Variants in OLFM1 observed in about 807,000 individuals in gnomAD.
OLFM1 encodes the protein noelin.
In OLFM1, 9 loss-of-function variants were observed where a neutral mutation model predicts 49.7. That is an observed-to-expected ratio of 0.18 (90% CI 0.11 to 0.32). The LOEUF (loss-of-function observed/expected upper bound fraction) is 0.32, where lower values mean the gene tolerates loss of function less well. OLFM1 is among the 10% of genes least tolerant of loss of function. The pLI is 1.00. For synonymous variants in OLFM1, 240 were observed against 271.8 expected (o/e 0.88, Z 1.15); for missense variants, 369 against 661.8 (o/e 0.56, Z 4.85).
Position 135,110,970 on chromosome 9 carries a change from TG to T in OLFM1, c.783+4118del, listed in dbSNP as rs2119135788. On this transcript the variant is annotated intron_variant, in intron 5 of 5. Coordinates refer to ENST00000371793, the MANE Select transcript of OLFM1 (RefSeq NM_001282611.2). ...TCCCGGGGGCTGCATCAGAGGCATT[TG>T]GGACGGCAGTGCCAGATCTGTGCCC... Among the ~76,000 whole-genome samples the T allele has an allele frequency of 1.3e-5, 2 of 152,336 alleles. 1 individual carries two copies. The highest frequency in any genetic ancestry group is 4.1e-4 in the South Asian group (2 of 4,828).
chr9:135,111,116 G>A (rs539460162), intron 5 of OLFM1, among the ~76,000 whole-genome samples: 1 of 152,312 alleles, frequency 6.6e-6, no homozygotes, highest in South Asian at 2.1e-4. Flanking sequence ...GCTGAAATGC[G>A]GTGCAGAGGT....
chr9:135,100,884 T>C (rs1323644096), intron 4 of OLFM1, among the ~76,000 whole-genome samples: 1 of 151,960 alleles, frequency 6.6e-6, no homozygotes. Context: ...TGATGACAGC[T>C]GACTGATAAC....
chr9:135,118,666 C>A (rs1435387281), intron 5 of OLFM1, among the ~76,000 whole-genome samples: 4 of 149,126 alleles, frequency 2.7e-5, no homozygotes, highest in Non-Finnish European at 5.9e-5. Context: ...CTTTGGAGTA[C>A]TCACTGGCTC....
chr9:135,110,418 T>C (rs1440962940), intron 5 of OLFM1, among the ~76,000 whole-genome samples: 1 of 152,144 alleles, frequency 6.6e-6, no homozygotes, highest in Non-Finnish European at 1.5e-5. Context: ...GAAGGGGTGA[T>C]ATAATTAGGA....
intron 1 of OLFM1, among the ~76,000 whole-genome samples, chr9:135,079,926 G>A (rs1462125695): frequency 3.9e-5 from 6 of 152,040 alleles, no homozygotes; most frequent in Admixed American, 6.6e-5. Flanking sequence ...GCTGGGTCTC[G>A]GAGTTGGGCC....
In OLFM1 at chr9:135,088,245, C is replaced by A; in HGVS notation, c.150+106C>A. 1.8e-6 allele frequency: 2 copies of A among 1,091,618 alleles called. No homozygotes were observed. Among genetic ancestry groups the A allele is most frequent in the South Asian group, 4.6e-5 (1 of 21,910 alleles). The allele number at this position is 1,091,618 out of a possible 1,614,324, so 67.6% of individuals were successfully genotyped here. ...GGCGGGCGCCGCGCGGGACCCGAGT[C>A]GCCCAGGGAGGCGGCGGGGAGCAGG... On this transcript the variant is annotated intron_variant, in intron 1 of 5. Transcript: ENST00000371793. The surrounding 1 kb of genome is among the most constrained non-coding windows in gnomAD (Gnocchi z 4.8).
intron 2 of OLFM1, among the ~76,000 whole-genome samples, chr9:135,091,571 A>ATAGT (rs1830691127): frequency 5.4e-5 from 8 of 148,894 alleles, no homozygotes; most frequent in Admixed American, 2.0e-4. Context: ...TCACACACAC[A>ATAGT]CACAGTCACA....
At chr9:135,077,582 G>T (rs1830483965) in intron 1 of OLFM1, among the ~76,000 whole-genome samples, 1 of 152,186 alleles carries the variant, frequency 6.6e-6, no homozygotes, top group South Asian at 2.1e-4. Context: ...GGCCCAGCCA[G>T]CCACCTTCAG....
rs1809396703 is a variant in OLFM1, at chr9:135,098,563, A to G, written c.676+58A>G. ...CACTGCCCACCTCCGGCACACGCAC[A>G]GGCTTAGGGAGTGGTGCTGAAGTGG... is the stretch of plus-strand genomic sequence containing the variant. On this transcript the variant is annotated intron_variant, in intron 4 of 5. Transcript: ENST00000371793. This position sits in a 1 kb window ranked among gnomAD's most constrained non-coding sequence, Gnocchi z 5.6. 6.8e-7 allele frequency: 1 copy of G among 1,477,714 alleles called. No individual in the cohort carries two copies. Among genetic ancestry groups the G allele is most frequent in the Non-Finnish European group, 9.4e-7 (1 of 1,061,444 alleles). 91.5% of individuals were successfully genotyped at this position (1,477,714 alleles called of 1,614,324 possible). A position where few individuals can be genotyped will look rare whatever the true frequency, so the allele number is the denominator to read the frequency against.
chr9:135,086,851 C>T, upstream of OLFM1: 1 of 389,294 alleles, frequency 2.6e-6, no homozygotes, highest in Non-Finnish European at 5.1e-6. Flanking sequence ...CCCCAACCCA[C>T]ACCCCTCCAC....
chr9:135,116,508 C>T (rs558311893), intron 5 of OLFM1, among the ~76,000 whole-genome samples: 13 of 152,114 alleles, frequency 8.5e-5, no homozygotes, highest in Non-Finnish European at 1.5e-4. Context: ...GGCTCTGGAC[C>T]CAGGGTACAG....
chr9:135,110,083 C>G (rs1831001520), intron 5 of OLFM1, among the ~76,000 whole-genome samples: 1 of 152,228 alleles, frequency 6.6e-6, no homozygotes, highest in Non-Finnish European at 1.5e-5. Context: ...GGCCCCACAG[C>G]CCCTCCTTTC....
chr9:135,109,815 A>T (rs1016291757), intron 5 of OLFM1, among the ~76,000 whole-genome samples: 1 of 152,142 alleles, frequency 6.6e-6, no homozygotes, highest in African/African-American at 2.4e-5. Flanking sequence ...GAGAGGTTCA[A>T]TGGGGCTGCC....
rs984872449 is a variant in OLFM1 at position 135,097,449 on chromosome 9, G to T, written c.457-837G>T. 2.0e-5 allele frequency among the ~76,000 whole-genome samples: 3 copies of T among 152,324 alleles called. No homozygotes were observed. In the South Asian group the frequency reaches 6.2e-4, roughly 32 times the overall value. On this transcript the variant is annotated intron_variant, in intron 3 of 5. Coordinates refer to ENST00000371793, the MANE Select transcript of OLFM1 (RefSeq NM_001282611.2). ...TGCGGCCAGCAGACTCCTCTAACGA[G>T]GGGGGTGTCTTCAGCAACTGGGAGG...
chr9:135,115,699 A>G (rs1831087562), intron 5 of OLFM1, among the ~76,000 whole-genome samples: 1 of 152,218 alleles, frequency 6.6e-6, no homozygotes, highest in Admixed American at 6.5e-5. Flanking sequence ...CCCAGGGCAG[A>G]TCACCACTGG....
At chr9:135,112,981 G>A (rs1564280013) in intron 5 of OLFM1, among the ~76,000 whole-genome samples, 2 of 152,136 alleles carry the variant, frequency 1.3e-5, no homozygotes, top group African/African-American at 4.8e-5. Flanking sequence ...GTGGGGGAGG[G>A]CAGCCTTGGG....
rs892469967 is a variant in OLFM1, at chr9:135,088,343, C to G, written c.150+204C>G. On this transcript the variant is annotated intron_variant, in intron 1 of 5. Transcript: ENST00000371793. This position sits in a 1 kb window ranked among gnomAD's most constrained non-coding sequence, Gnocchi z 4.8. ...CTCCCCGCTCCCCCAGCCTGGGCCA[C>G]TCCATCTCCGCCCGCGCGCCCCTGG... 6.6e-6 allele frequency among the ~76,000 whole-genome samples: 1 copy of G among 151,724 alleles called. No individual in the cohort carries two copies. The highest frequency in any genetic ancestry group is 1.5e-5 in the Non-Finnish European group (1 of 67,872).
At position 135,078,052 on chromosome 9, in the gene OLFM1, C is replaced by T. The variant is rs574581718; in HGVS notation, c.96+2250C>T. ...TCGGGAATGGGTGTGGGGGCAGGAC[C>T]AGCCTGCTCTGATTCCAAGAGCTAC... On this transcript the variant is annotated intron_variant, in intron 1 of 5. Coordinates refer to the OLFM1 transcript ENST00000252854. Among the ~76,000 whole-genome samples the T allele has an allele frequency of 8.0e-4, 122 of 152,288 alleles. 1 individual carries two copies. The highest frequency in any genetic ancestry group is 3.9e-4 in the East Asian group (2 of 5,174).
intron 4 of OLFM1, among the ~76,000 whole-genome samples, chr9:135,099,859 T>C (rs904309208): frequency 6.6e-6 from 1 of 152,076 alleles, no homozygotes; most frequent in Non-Finnish European, 1.5e-5. Context: ...CCAATTTGAC[T>C]TTCTAGGAGT....
Sources: gnomAD v4.1 joint callset for allele counts (sites outside exome capture counted in the v4.1 genomes callset) on GRCh38, gnomAD v4.1.1 for gene constraint, Gnocchi (gnomAD v3.1) non-coding constraint, MANE v1.5 for transcripts, NCBI Gene and HGNC (gene_info 2026-07-23, HGNC 2026-07-21) for gene names.